Variants in GLIS3 observed in about 807,000 individuals in gnomAD.
GLIS3 encodes GLIS family zinc finger 3, also known as zinc finger protein GLIS3.
Under a neutral mutation model 78.6 loss-of-function variants are expected in GLIS3, and 53 were observed. The observed-to-expected ratio is 0.67, with a 90% confidence interval of 0.54 to 0.85. The LOEUF (loss-of-function observed/expected upper bound fraction) is 0.85, where lower values mean the gene tolerates loss of function less well. GLIS3 is among the 40% of genes least tolerant of loss of function. The probability of loss-of-function intolerance (pLI) is 0.00; values close to 1 mark genes in which losing one functional copy is unlikely to be tolerated. For missense variants in GLIS3, 1,703 were observed against 1,231.1 expected (o/e 1.38, Z -5.74); for synonymous variants, 684 against 509.9 (o/e 1.34, Z -4.60).
At chr9:3,865,666 A>G (rs1469108340) in intron 8 of GLIS3, among the ~76,000 whole-genome samples, 3 of 152,104 alleles carry the variant, frequency 2.0e-5, no homozygotes, top group Non-Finnish European at 4.4e-5. Flanking sequence ...TACTGTCATG[A>G]CTCACTTTCC....
At chr9:4,283,861 G>A (rs1827766582) in intron 2 of GLIS3, among the ~76,000 whole-genome samples, 1 of 152,128 alleles carries the variant, frequency 6.6e-6, no homozygotes, top group South Asian at 2.1e-4. Flanking sequence ...AGCTAGAGGT[G>A]ATAATAATAC....
rs74680081 is a variant in GLIS3 at position 4,118,386 on chromosome 9, C to G, written c.1092G>C (p.Pro364=). The change falls in exon 4 of 11, where the codon CCG becomes CCC. Residue 364 remains proline, a synonymous_variant. Coordinates refer to ENST00000381971, the MANE Select transcript of GLIS3 (RefSeq NM_001042413.2). This position sits in a 1 kb window ranked among gnomAD's most constrained non-coding sequence, Gnocchi z 4.7. The stretch of plus-strand genomic sequence containing the variant: ...GCACGCCCTTCTGGCTGCCGGGCAC[C>G]GGGCGCGGCTGGGGAATGCAGCTGC... ...VRGSCIPQPR[P]VPGSQKGVLV... The G allele has an allele frequency of 6.2e-7, 1 of 1,600,068 alleles. No individual in the cohort carries two copies. The highest frequency in any genetic ancestry group is 1.1e-5 in the South Asian group (1 of 90,436).
intron 4 of GLIS3, among the ~76,000 whole-genome samples, chr9:3,968,571 G>A (rs1397163803): frequency 1.3e-5 from 2 of 151,908 alleles, no homozygotes; most frequent in African/African-American, 4.8e-5. Flanking sequence ...GAAAGCTAAG[G>A]TATTGTATTT....
At chr9:4,360,528 T>C in the GLIS3 span, among the ~76,000 whole-genome samples, 16 of 152,206 alleles carry the variant, frequency 1.1e-4, no homozygotes, top group Non-Finnish European at 4.4e-5. Flanking sequence ...TTCGCCACTT[T>C]AGCCTTTTCC....
the GLIS3 span, among the ~76,000 whole-genome samples, chr9:4,357,151 C>A: frequency 6.6e-6 from 1 of 151,946 alleles, no homozygotes; most frequent in Non-Finnish European, 1.5e-5. Context: ...GGGGAATAAC[C>A]CTGTGATCTT....
chr9:3,912,769 C>T (rs1824237944), intron 6 of GLIS3, among the ~76,000 whole-genome samples: 1 of 152,160 alleles, frequency 6.6e-6, no homozygotes, highest in Admixed American at 6.5e-5. Context: ...AGAATGCATT[C>T]TTCTTTTTTT....
intron 9 of GLIS3, among the ~76,000 whole-genome samples, chr9:3,840,421 A>C (rs1386191680): frequency 1.3e-5 from 2 of 152,116 alleles, no homozygotes; most frequent in Admixed American, 1.3e-4. Flanking sequence ...AGGTATAAAA[A>C]CTGACTCTTC....
chr9:4,203,903 C>G (rs1360556721), intron 2 of GLIS3, among the ~76,000 whole-genome samples: 1 of 152,190 alleles, frequency 6.6e-6, no homozygotes, highest in Non-Finnish European at 1.5e-5. Context: ...AGGAGCCAAA[C>G]AGTGGGTACT....
chr9:4,048,007 G>T (rs914120267), intron 4 of GLIS3, among the ~76,000 whole-genome samples: 1 of 152,246 alleles, frequency 6.6e-6, no homozygotes, highest in South Asian at 2.1e-4. Flanking sequence ...AGAAGTGTGG[G>T]CAAGACTCAG....
chr9:4,240,938 TAAGAA>T (rs373788919), intron 2 of GLIS3, among the ~76,000 whole-genome samples: 1 of 103,154 alleles, frequency 9.7e-6, no homozygotes, highest in African/African-American at 3.9e-5. Context: ...TAGATACTCT[TAAGAA>T]AATATGTATG....
At chr9:4,108,923 G>A (rs529779439) in intron 4 of GLIS3, among the ~76,000 whole-genome samples, 1 of 152,230 alleles carries the variant, frequency 6.6e-6, no homozygotes, top group African/African-American at 2.4e-5. Context: ...CAAACCCCAG[G>A]GGAGGGCTCG....
At chr9:4,197,948 GAA>G (rs35836152) in intron 2 of GLIS3, among the ~76,000 whole-genome samples, 39,232 of 151,780 alleles carry the variant, frequency 0.26, 6,090 homozygotes, top group South Asian at 0.47. Context: ...GAGGGAAAGA[GAA>G]AGAGACAAAA....
the GLIS3 span, among the ~76,000 whole-genome samples, chr9:4,444,051 T>A: frequency 6.3e-4 from 96 of 152,018 alleles, 2 homozygotes; most frequent in East Asian, 0.012. Flanking sequence ...CAGAAAAAAA[T>A]AAGGAGTGGG....
At chr9:4,342,696 C>T (rs913949020) in intron 2 of GLIS3, among the ~76,000 whole-genome samples, 9 of 152,134 alleles carry the variant, frequency 5.9e-5, no homozygotes, top group Non-Finnish European at 1.2e-4. Flanking sequence ...GCAGTATGGC[C>T]ATTTTAACAA....
chr9:3,954,750 AGAAT>A (rs1321140026), intron 4 of GLIS3, among the ~76,000 whole-genome samples: 1 of 152,250 alleles, frequency 6.6e-6, no homozygotes, highest in East Asian at 1.9e-4. Flanking sequence ...TTATGGAGAA[AGAAT>A]GAATATTAGA....
chr9:4,126,432 T>C (rs1239921199), intron 2 of GLIS3, among the ~76,000 whole-genome samples: 2 of 152,344 alleles, frequency 1.3e-5, no homozygotes, highest in African/African-American at 4.8e-5. Context: ...TCTCTACTCT[T>C]GATTTTTTTT....
At chr9:4,187,835 C>G (rs952285713) in intron 2 of GLIS3, among the ~76,000 whole-genome samples, 1 of 152,014 alleles carries the variant, frequency 6.6e-6, no homozygotes, top group Non-Finnish European at 1.5e-5. Flanking sequence ...GTGATTTTTG[C>G]ACATTGATTT....
At chr9:4,216,738 C>T (rs1820887541) in intron 2 of GLIS3, among the ~76,000 whole-genome samples, 1 of 152,100 alleles carries the variant, frequency 6.6e-6, no homozygotes, top group Non-Finnish European at 1.5e-5. Flanking sequence ...TTTCGAAACT[C>T]CCAAGACTTT....
chr9:4,317,410 T>G (rs998992230), intron 2 of GLIS3, among the ~76,000 whole-genome samples: 2 of 152,226 alleles, frequency 1.3e-5, no homozygotes, highest in Non-Finnish European at 2.9e-5. Context: ...TCCCGAGACA[T>G]TCTTCTTGCA....
Sources: allele counts gnomAD v4.1 joint callset (sites outside exome capture counted in the v4.1 genomes callset), GRCh38; gene constraint gnomAD v4.1.1; non-coding constraint Gnocchi (gnomAD v3.1); transcripts MANE v1.5; gene names NCBI Gene and HGNC (gene_info 2026-07-23, HGNC 2026-07-21).